PDZRN4: variants seen among roughly 807,000 people sequenced by gnomAD.
PDZRN4 encodes the protein PDZ domain containing ring finger 4.
A neutral mutation model predicts 99.0 loss-of-function variants in PDZRN4; 70 were observed. That is an observed-to-expected ratio of 0.71 (90% CI 0.58 to 0.86). The LOEUF is 0.86. PDZRN4 is among the 40% of genes least tolerant of loss of function. PDZRN4 has a pLI of 0.00. For missense variants in PDZRN4, 1,474 were observed against 1,331.2 expected (o/e 1.11, Z -1.67); for synonymous variants, 551 against 501.6 (o/e 1.10, Z -1.32).
rs761082861 is a variant in PDZRN4 at position 41,506,488 on chromosome 12, T to G, written c.876T>G (p.His292Gln). The G allele has an allele frequency of 6.2e-7, 1 of 1,613,374 alleles. No individual in the cohort carries two copies. The highest frequency in any genetic ancestry group is 8.5e-7 in the Non-Finnish European group (1 of 1,179,658). The part of the protein sequence containing the change: ...VNGKDLSKAT[H>Q]EEAVEAFRNA... Reference sequence around the variant, plus strand: ...GGAAGGATCTTTCAAAGGCCACTCATGAAGAGGCAGTGGAAGCTTTTCGCA... The same window carrying G: ...GGAAGGATCTTTCAAAGGCCACTCAGGAAGAGGCAGTGGAAGCTTTTCGCA... Residue 292 changes from histidine to glutamine, a missense_variant, in exon 4 of 10, where the codon CAT (histidine) becomes CAG (glutamine). Transcript: ENST00000402685.
chr12:41,318,781 A>C (rs938143518), intron 3 of PDZRN4, among the ~76,000 whole-genome samples: 1 of 152,188 alleles, frequency 6.6e-6, no homozygotes, highest in Non-Finnish European at 1.5e-5. Context: ...ACAGGAAAAT[A>C]GGAGTAGGAA....
chr12:41,211,132 C>T (rs182219821), intron 3 of PDZRN4, among the ~76,000 whole-genome samples: 176 of 152,024 alleles, frequency 1.2e-3, no homozygotes, highest in African/African-American at 4.0e-3. Flanking sequence ...TATTTCATTG[C>T]CAATATTTCC....
At chr12:41,428,569 C>G (rs1952558566) in intron 3 of PDZRN4, among the ~76,000 whole-genome samples, 1 of 152,124 alleles carries the variant, frequency 6.6e-6, no homozygotes, top group African/African-American at 2.4e-5. Flanking sequence ...GTAACCTTTG[C>G]TCTTAAAGCA....
At chr12:41,560,924 A>G (rs1488592567) in intron 7 of PDZRN4, among the ~76,000 whole-genome samples, 1 of 152,164 alleles carries the variant, frequency 6.6e-6, no homozygotes, top group Non-Finnish European at 1.5e-5. Flanking sequence ...CTTATTTTCT[A>G]AAAGAAACAA....
intron 3 of PDZRN4, among the ~76,000 whole-genome samples, chr12:41,448,704 T>C (rs1461742601): frequency 6.6e-6 from 1 of 152,154 alleles, no homozygotes; most frequent in East Asian, 1.9e-4. Flanking sequence ...AGAAACTACA[T>C]ATGCTATGTT....
intron 3 of PDZRN4, among the ~76,000 whole-genome samples, chr12:41,405,743 T>C (rs1177204379): frequency 1.3e-5 from 2 of 152,144 alleles, no homozygotes; most frequent in Non-Finnish European, 2.9e-5. Context: ...GTGGTACCTA[T>C]ACACCATGGA....
At chr12:41,342,096 G>GA (rs1280022216) in intron 3 of PDZRN4, among the ~76,000 whole-genome samples, 1 of 151,868 alleles carries the variant, frequency 6.6e-6, no homozygotes, top group Non-Finnish European at 1.5e-5. Context: ...TATATATTGG[G>GA]AAAAAGATAG....
At chr12:41,325,273 T>C (rs1420632211) in intron 3 of PDZRN4, among the ~76,000 whole-genome samples, 2 of 152,194 alleles carry the variant, frequency 1.3e-5, no homozygotes, top group African/African-American at 2.4e-5. Flanking sequence ...GCAAAACTTA[T>C]GTTAGAAATT....
rs536246838 is a variant in PDZRN4 at position 41,214,430 on chromosome 12, TA to T, written c.843+20262del. 4.9e-3 allele frequency among the ~76,000 whole-genome samples: 166 copies of T among 34,090 alleles called. 11 individuals are homozygous for T. Among genetic ancestry groups the T allele is most frequent in the East Asian group, 0.016 (14 of 876 alleles). The allele number at this position is 34,090 out of a possible 152,430, so 22.4% of individuals were successfully genotyped here. ...GGCAATAGAAGGAGACCCTGTCCCC[TA>T]AAAAAAAAAAAAAAAAAAAGTTATC... On this transcript the variant is annotated intron_variant, in intron 3 of 9. Coordinates refer to ENST00000402685, the MANE Select transcript of PDZRN4 (RefSeq NM_001164595.2).
intron 3 of PDZRN4, among the ~76,000 whole-genome samples, chr12:41,220,658 G>A (rs556518597): frequency 4.2e-4 from 64 of 152,248 alleles, no homozygotes; most frequent in Admixed American, 2.3e-3. Context: ...ACTCTGGTAA[G>A]GAAAAACATA....
intron 3 of PDZRN4, among the ~76,000 whole-genome samples, chr12:41,239,737 G>A (rs1951090859): frequency 6.6e-6 from 1 of 152,134 alleles, no homozygotes; most frequent in South Asian, 2.1e-4. Context: ...TTCTTAAACA[G>A]CTTATATTTT....
intron 3 of PDZRN4, among the ~76,000 whole-genome samples, chr12:41,447,383 T>C (rs1337402200): frequency 6.6e-6 from 1 of 152,132 alleles, no homozygotes; most frequent in Non-Finnish European, 1.5e-5. Flanking sequence ...CTGTCTTTGG[T>C]GATTGCACAC....
At chr12:41,534,098 T>C (rs1365036073) in intron 5 of PDZRN4, among the ~76,000 whole-genome samples, 1 of 152,330 alleles carries the variant, frequency 6.6e-6, no homozygotes, top group East Asian at 1.9e-4. Flanking sequence ...CTCTGGCTGA[T>C]TCATATGTTA....
At chr12:41,221,446 A>C (rs1174954015) in intron 3 of PDZRN4, among the ~76,000 whole-genome samples, 1 of 152,136 alleles carries the variant, frequency 6.6e-6, no homozygotes, top group Non-Finnish European at 1.5e-5. Context: ...TTGGTAGAGC[A>C]TTATATGGAA....
chr12:41,262,607 T>C (rs10879915), intron 3 of PDZRN4, among the ~76,000 whole-genome samples: 110,901 of 152,082 alleles, frequency 0.73, 40,711 homozygotes, highest in East Asian at 0.86. Flanking sequence ...ATAGAATTTG[T>C]GATGATATTT....
chr12:41,304,190 T>C (rs1412784743), intron 3 of PDZRN4, among the ~76,000 whole-genome samples: 1 of 152,086 alleles, frequency 6.6e-6, no homozygotes, highest in East Asian at 1.9e-4. Context: ...TACTTTCGAG[T>C]TTACAAAGTG....
intron 3 of PDZRN4, among the ~76,000 whole-genome samples, chr12:41,197,930 T>TTCTTTTTGGAGACAGGATCTTGCTC (rs1950788008): frequency 7.3e-6 from 1 of 137,598 alleles, no homozygotes; most frequent in African/African-American, 2.7e-5. Context: ...GTTTTTTTTT[T>TTCTTTTTGGAGACAGGATCTTGCTC]TGGAGACAGG....
intron 3 of PDZRN4, among the ~76,000 whole-genome samples, chr12:41,498,938 A>G (rs1275949159): frequency 1.3e-5 from 2 of 152,238 alleles, no homozygotes; most frequent in East Asian, 3.9e-4. Flanking sequence ...TAAAGTCAGA[A>G]GAGTTTCATG....
At position 41,572,774 on chromosome 12, in the gene PDZRN4, GC is replaced by G; in HGVS notation, c.1996del (p.Leu666TyrfsTer8). 6.2e-7 allele frequency: 1 copy of G among 1,614,126 alleles called. No individual in the cohort carries two copies. Among genetic ancestry groups the G allele is most frequent in the Non-Finnish European group, 8.5e-7 (1 of 1,180,002 alleles). On this transcript the variant is annotated frameshift_variant, in exon 10 of 10. Coordinates refer to ENST00000402685, the MANE Select transcript of PDZRN4 (RefSeq NM_001164595.2). LOFTEE classifies it high-confidence loss of function. ...QGEQEGVEHE[L>X]QLLNEELRNI... The stretch of plus-strand genomic sequence containing the variant: ...GGGAGCAAGAGGGAGTGGAGCATGA[GC>G]TACAGTTGCTTAATGAAGAACTGAG...
Sources: allele counts gnomAD v4.1 joint callset (sites outside exome capture counted in the v4.1 genomes callset), GRCh38; gene constraint gnomAD v4.1.1; transcripts MANE v1.5; gene names NCBI Gene and HGNC (gene_info 2026-07-23, HGNC 2026-07-21).